MAD1L1: variants seen among roughly 807,000 people sequenced by gnomAD.
MAD1L1 encodes the protein mitotic spindle assembly checkpoint protein MAD1.
Under a neutral mutation model 96.9 loss-of-function variants are expected in MAD1L1, and 95 were observed. That is an observed-to-expected ratio of 0.98 (90% CI 0.83 to 1.16). The LOEUF (loss-of-function observed/expected upper bound fraction) is 1.16. MAD1L1 is among the 50% of genes most tolerant of loss of function. The probability of loss-of-function intolerance (pLI) is 0.00; values close to 1 mark genes in which losing one functional copy is unlikely to be tolerated. For missense variants in MAD1L1, 1,007 were observed against 954.4 expected (o/e 1.06, Z -0.73); for synonymous variants, 473 against 396.6 (o/e 1.19, Z -2.29).
intron 11 of MAD1L1, chr7:2,080,043 C>T (rs768810132): frequency 1.8e-4 from 53 of 290,500 alleles, no homozygotes; most frequent in Non-Finnish European, 2.9e-4. Context: ...GCTGCCTGCT[C>T]GCCTAATGCA....
At chr7:1,925,910 G>C (rs1237137213) in intron 17 of MAD1L1, among the ~76,000 whole-genome samples, 2 of 151,924 alleles carry the variant, frequency 1.3e-5, no homozygotes, top group African/African-American at 4.8e-5. Flanking sequence ...ACTAAAGCAG[G>C]CAGAAGGAAG....
At chr7:2,069,851 GCCTCT>G (rs1785044841) in intron 11 of MAD1L1, among the ~76,000 whole-genome samples, 1 of 152,250 alleles carries the variant, frequency 6.6e-6, no homozygotes, top group Non-Finnish European at 1.5e-5. Flanking sequence ...TGCCCAAGAG[GCCTCT>G]CCCTGTCCGC....
chr7:1,822,179 A>G (rs1189123450), intron 18 of MAD1L1, among the ~76,000 whole-genome samples: 2 of 126,936 alleles, frequency 1.6e-5, no homozygotes, highest in African/African-American at 5.4e-5. Flanking sequence ...AGCAATTGCA[A>G]ACAAGTGAAA....
At chr7:1,850,322 A>G (rs1296030951) in intron 18 of MAD1L1, among the ~76,000 whole-genome samples, 2 of 152,110 alleles carry the variant, frequency 1.3e-5, no homozygotes, top group African/African-American at 2.4e-5. Flanking sequence ...CAAGAGTTCT[A>G]TCTTACGAGG....
At chr7:2,211,996 A>C (rs541265642) in intron 10 of MAD1L1, among the ~76,000 whole-genome samples, 220 of 152,344 alleles carry the variant, frequency 1.4e-3, no homozygotes, top group Non-Finnish European at 2.3e-3. Flanking sequence ...CCGGGCTCTG[A>C]TGGCTCCTTC....
intron 12 of MAD1L1, among the ~76,000 whole-genome samples, chr7:2,048,522 C>T (rs1182564088): frequency 1.3e-5 from 2 of 152,226 alleles, no homozygotes; most frequent in African/African-American, 4.8e-5. Context: ...AGGTATTTAA[C>T]ATAGGATTTG....
In MAD1L1 at chr7:2,215,363, C is replaced by T. The variant is rs140526853; in HGVS notation, c.924+522G>A. Among the ~76,000 whole-genome samples, 880 of 120,350 alleles carry T rather than the reference C, an allele frequency of 7.3e-3. 25 individuals carry two copies. In the East Asian group the frequency reaches 0.089, roughly 12 times the overall value. 79.0% of individuals were successfully genotyped at this position (120,350 alleles called of 152,430 possible). A position where few individuals can be genotyped will look rare whatever the true frequency, so the allele number is the denominator to read the frequency against. On this transcript the variant is annotated intron_variant, in intron 9 of 18. Transcript: ENST00000265854. ...ATTGCATTCCAGCCTGGGGACAGGG[C>T]GAGACTCCATCTCAAAAAAAAAAAA...
intron 18 of MAD1L1, among the ~76,000 whole-genome samples, chr7:1,822,435 T>C (rs1308398203): frequency 1.1e-5 from 1 of 90,282 alleles, no homozygotes; most frequent in East Asian, 3.0e-4. Context: ...TCAGCATATA[T>C]ATATATATTT....
intron 18 of MAD1L1, among the ~76,000 whole-genome samples, chr7:1,885,490 TG>T (rs1242030763): frequency 1.3e-5 from 2 of 152,024 alleles, no homozygotes; most frequent in East Asian, 3.9e-4. Context: ...TGCGGGTGTG[TG>T]TGGGCCACAG....
chr7:1,883,519 G>A (rs1312827125), intron 18 of MAD1L1, among the ~76,000 whole-genome samples: 1 of 152,226 alleles, frequency 6.6e-6, no homozygotes, highest in Non-Finnish European at 1.5e-5. Context: ...CTGCCTGAAG[G>A]CCAAGCTCCA....
In MAD1L1 at chr7:2,181,367, T is replaced by C. The variant is rs1346411586; in HGVS notation, c.986+31845A>G. Among the ~76,000 whole-genome samples, 5 of 152,262 alleles carry C rather than the reference T, an allele frequency of 3.3e-5. 1 individual carries two copies. Among genetic ancestry groups the C allele is most frequent in the Non-Finnish European group, 7.3e-5 (5 of 68,042 alleles). ...CTGTAATGTTTGTGTCTCTGTTCTA[T>C]GCAGCCACTGACGTTTCCACACGTT... On this transcript the variant is annotated intron_variant, in intron 10 of 18. Transcript: ENST00000265854.
intron 10 of MAD1L1, among the ~76,000 whole-genome samples, chr7:2,188,910 G>T (rs1246807816): frequency 6.6e-6 from 1 of 152,070 alleles, no homozygotes; most frequent in East Asian, 1.9e-4. Flanking sequence ...CTATAGAATG[G>T]GAGAAAATGT....
At chr7:1,944,189 G>A (rs773411535) in intron 16 of MAD1L1, among the ~76,000 whole-genome samples, 1 of 152,162 alleles carries the variant, frequency 6.6e-6, no homozygotes, top group African/African-American at 2.4e-5. Context: ...CGCAGTAGCC[G>A]ACTGGTGGCT....
chr7:2,212,036 C>A (rs1792973146), intron 10 of MAD1L1, among the ~76,000 whole-genome samples: 1 of 152,218 alleles, frequency 6.6e-6, no homozygotes, highest in East Asian at 1.9e-4. Context: ...CTCCTCGAGA[C>A]CTGGCGCACA....
chr7:1,897,213 A>G (rs1176202815), intron 18 of MAD1L1, among the ~76,000 whole-genome samples: 2 of 86,640 alleles, frequency 2.3e-5, no homozygotes, highest in African/African-American at 1.3e-4. Context: ...ACGCTGACGG[A>G]CATGCGTAGG....
intron 15 of MAD1L1, among the ~76,000 whole-genome samples, chr7:1,976,224 G>A (rs186516773): frequency 4.6e-5 from 7 of 152,366 alleles, no homozygotes; most frequent in Non-Finnish European, 1.0e-4. Context: ...AGATTGGTGG[G>A]TTCTTGGTCT....
intron 18 of MAD1L1, among the ~76,000 whole-genome samples, chr7:1,867,380 G>A (rs953069257): frequency 2.0e-5 from 3 of 152,232 alleles, no homozygotes; most frequent in East Asian, 3.9e-4. Flanking sequence ...AGCGGGTCCA[G>A]CATGGAAGGC....
intron 17 of MAD1L1, among the ~76,000 whole-genome samples, chr7:1,912,715 C>T (rs964016427): frequency 2.0e-5 from 3 of 152,216 alleles, no homozygotes; most frequent in Admixed American, 6.5e-5. Flanking sequence ...CCACCGCGCA[C>T]GCACCTCCCA....
intron 18 of MAD1L1, among the ~76,000 whole-genome samples, chr7:1,885,631 C>T (rs986204639): frequency 5.3e-5 from 8 of 152,198 alleles, no homozygotes; most frequent in African/African-American, 1.9e-4. Context: ...GGCCTTCAAC[C>T]CCCCAGTTCC....
Sources: allele counts gnomAD v4.1 joint callset (sites outside exome capture counted in the v4.1 genomes callset), GRCh38; gene constraint gnomAD v4.1.1; transcripts MANE v1.5; gene names NCBI Gene and HGNC (gene_info 2026-07-23, HGNC 2026-07-21).